The following CSMD1 variants were observed in gnomAD, a reference collection of about 807,000 sequenced individuals.
The protein encoded by CSMD1 is CUB and Sushi multiple domains 1.
CSMD1 carries 213 observed loss-of-function variants against 417.5 expected under a neutral mutation model. The observed-to-expected ratio is 0.51, with a 90% confidence interval of 0.46 to 0.57. CSMD1 has a LOEUF of 0.57. CSMD1 is among the 20% of genes least tolerant of loss of function. CSMD1 has a pLI of 0.00. For missense variants in CSMD1, 6,923 were observed against 4,529.7 expected, an observed-to-expected ratio of 1.53 and a Z score of -15.17; for synonymous variants, 2,862 against 1,736.8, an observed-to-expected ratio of 1.65 and a Z score of -16.11.
chr8:4,745,196 G>T (rs7846372), intron 1 of CSMD1, among the ~76,000 whole-genome samples: 1 of 151,974 alleles, frequency 6.6e-6, no homozygotes, highest in African/African-American at 2.4e-5. Context: ...CCTTAATTTT[G>T]TATACATACA....
chr8:4,992,456 G>T (rs1344100501), intron 1 of CSMD1, among the ~76,000 whole-genome samples: 2 of 152,184 alleles, frequency 1.3e-5, no homozygotes, highest in African/African-American at 4.8e-5. Flanking sequence ...AGGAAGCCCC[G>T]GGCCCAGTTA....
chr8:3,296,043 A>T (rs912079709), intron 25 of CSMD1, among the ~76,000 whole-genome samples: 8 of 152,212 alleles, frequency 5.3e-5, no homozygotes, highest in Admixed American at 5.2e-4. Context: ...GGCAGTCCAC[A>T]GCACCCATAA....
chr8:4,483,116 G>A (rs918087208), intron 2 of CSMD1, among the ~76,000 whole-genome samples: 4 of 152,114 alleles, frequency 2.6e-5, no homozygotes, highest in Non-Finnish European at 4.4e-5. Flanking sequence ...CCCCCATACT[G>A]TTCTCCTGGT....
chr8:4,342,062 G>C (rs998003439), intron 3 of CSMD1, among the ~76,000 whole-genome samples: 2 of 152,072 alleles, frequency 1.3e-5, no homozygotes, highest in African/African-American at 4.8e-5. Flanking sequence ...GCATCCTGAA[G>C]ATCCTGCAGT....
chr8:3,628,223 T>C (rs1796590426), intron 7 of CSMD1, among the ~76,000 whole-genome samples: 1 of 152,192 alleles, frequency 6.6e-6, no homozygotes, highest in South Asian at 2.1e-4. Context: ...AAAATTTGTG[T>C]TCTAATAATG....
At chr8:3,023,892 T>C (rs1243543919) in intron 51 of CSMD1, among the ~76,000 whole-genome samples, 1 of 150,212 alleles carries the variant, frequency 6.7e-6, no homozygotes, top group African/African-American at 2.4e-5. Context: ...GCTCCTTACC[T>C]GCACCAATGA....
intron 37 of CSMD1, among the ~76,000 whole-genome samples, chr8:3,177,271 G>A (rs1430846640): frequency 6.6e-6 from 1 of 152,186 alleles, no homozygotes; most frequent in Non-Finnish European, 1.5e-5. Context: ...TCCACCCACA[G>A]GCCTCTATCA....
chr8:3,789,109 C>A (rs1272915261), intron 5 of CSMD1, among the ~76,000 whole-genome samples: 2 of 152,104 alleles, frequency 1.3e-5, no homozygotes, highest in Non-Finnish European at 2.9e-5. Flanking sequence ...GTGGTACAGC[C>A]TTTGGAAGGT....
intron 5 of CSMD1, among the ~76,000 whole-genome samples, chr8:3,953,470 CAGAG>C (rs1371067337): frequency 6.6e-6 from 1 of 152,134 alleles, no homozygotes; most frequent in African/African-American, 2.4e-5. Context: ...TAAACACACA[CAGAG>C]AGAGGTGTAT....
intron 46 of CSMD1, among the ~76,000 whole-genome samples, chr8:3,103,533 C>A (rs149712494): frequency 1.3e-5 from 2 of 151,952 alleles, no homozygotes; most frequent in African/African-American, 4.8e-5. Flanking sequence ...TGCGTGGCCC[C>A]GTAGTACTGC....
Position 3,729,995 on chromosome 8 carries a change from C to A in CSMD1, c.932-21504G>T, listed in dbSNP as rs1802744924. 1.6e-5 allele frequency among the ~76,000 whole-genome samples: 2 copies of A among 123,018 alleles called. 1 individual carries two copies. 80.7% of individuals were successfully genotyped at this position (123,018 alleles called of 152,430 possible). ...GAAGAACGGATACATAATAATGTTT[C>A]AAAAAGTTCAGAGGAGAAAAATCTT... On this transcript the variant is annotated intron_variant, in intron 6 of 69. Transcript: ENST00000635120.
At chr8:3,339,802 C>T (rs1019727136) in intron 23 of CSMD1, among the ~76,000 whole-genome samples, 4 of 152,150 alleles carry the variant, frequency 2.6e-5, no homozygotes, top group Non-Finnish European at 4.4e-5. Flanking sequence ...AACAAGTGGA[C>T]ACTCATTGTC....
At chr8:3,547,974 A>T (rs1379058479) in intron 10 of CSMD1, among the ~76,000 whole-genome samples, 2 of 152,134 alleles carry the variant, frequency 1.3e-5, no homozygotes, top group Non-Finnish European at 1.5e-5. Context: ...ACCTATTTGG[A>T]TATGGTAAAG....
chr8:3,871,068 G>A (rs541384917), intron 5 of CSMD1, among the ~76,000 whole-genome samples: 7 of 151,588 alleles, frequency 4.6e-5, no homozygotes, highest in Non-Finnish European at 7.4e-5. Flanking sequence ...CATGACTTAC[G>A]TATGTTAAGC....
At chr8:4,368,448 C>A (rs751777715) in intron 3 of CSMD1, among the ~76,000 whole-genome samples, 3 of 152,156 alleles carry the variant, frequency 2.0e-5, no homozygotes, top group African/African-American at 7.2e-5. Flanking sequence ...TGTTGTGTCT[C>A]TACCAGGGTT....
At chr8:3,880,329 T>C (rs1160518594) in intron 5 of CSMD1, among the ~76,000 whole-genome samples, 1 of 152,196 alleles carries the variant, frequency 6.6e-6, no homozygotes, top group Non-Finnish European at 1.5e-5. Context: ...CCATTATTAC[T>C]GCATCGTTGT....
chr8:3,799,566 T>C (rs1296249914), intron 5 of CSMD1, among the ~76,000 whole-genome samples: 1 of 151,732 alleles, frequency 6.6e-6, no homozygotes, highest in Non-Finnish European at 1.5e-5. Context: ...TAAAACCTTA[T>C]CATTTGAAAC....
At chr8:4,070,529 T>C (rs1374870060) in intron 3 of CSMD1, among the ~76,000 whole-genome samples, 2 of 152,126 alleles carry the variant, frequency 1.3e-5, no homozygotes, top group African/African-American at 2.4e-5. Flanking sequence ...GGCTATTTTT[T>C]TGTATTTTTA....
At chr8:3,208,868 G>T (rs949497650) in intron 30 of CSMD1, among the ~76,000 whole-genome samples, 2 of 152,078 alleles carry the variant, frequency 1.3e-5, no homozygotes, top group African/African-American at 4.8e-5. Context: ...TTCAGTTTTG[G>T]GACTCGGAAT....
Sources: allele counts gnomAD v4.1 joint callset (sites outside exome capture counted in the v4.1 genomes callset), GRCh38; gene constraint gnomAD v4.1.1; transcripts MANE v1.5; gene names NCBI Gene and HGNC (gene_info 2026-07-23, HGNC 2026-07-21).